COL21A1: variants seen among roughly 807,000 people sequenced by gnomAD.
The protein encoded by COL21A1 is collagen type XXI alpha 1 chain.
COL21A1 carries 149 observed loss-of-function variants against 137.9 expected under a neutral mutation model. The ratio of observed to expected loss-of-function variants is 1.08; its 90% CI spans 0.95 to 1.24. The LOEUF (loss-of-function observed/expected upper bound fraction) is 1.24, where lower values mean the gene tolerates loss of function less well. Among genes scored for constraint, COL21A1 ranks in the 50% most tolerant of loss-of-function variants. The pLI is 0.00. For synonymous variants in COL21A1, 456 were observed against 391.5 expected, an observed-to-expected ratio of 1.16 and a Z score of -1.95; for missense variants, 1,167 against 1,158.4, an observed-to-expected ratio of 1.01 and a Z score of -0.11.
intron 1 of COL21A1, among the ~76,000 whole-genome samples, chr6:56,316,244 G>A (rs1764731298): frequency 1.3e-5 from 2 of 151,798 alleles, no homozygotes; most frequent in Admixed American, 6.6e-5. Context: ...CTACTCTCTT[G>A]GCAATTTTCA....
chr6:56,257,880 T>C (rs1308140125), intron 1 of COL21A1, among the ~76,000 whole-genome samples: 1 of 152,156 alleles, frequency 6.6e-6, no homozygotes, highest in Non-Finnish European at 1.5e-5. Flanking sequence ...CATTAAATTA[T>C]AGTATTATAA....
intron 20 of COL21A1, among the ~76,000 whole-genome samples, chr6:56,073,683 C>T (rs1265376881): frequency 6.6e-6 from 1 of 151,406 alleles, no homozygotes; most frequent in African/African-American, 2.4e-5. Context: ...CAAATAATGA[C>T]ATTCAAAGAG....
intron 1 of COL21A1, among the ~76,000 whole-genome samples, chr6:56,217,151 T>G (rs1031084828): frequency 4.6e-5 from 7 of 152,076 alleles, no homozygotes; most frequent in Non-Finnish European, 1.0e-4. Flanking sequence ...TACTCTCAAG[T>G]GTAATAAAAG....
Position 56,164,282 on chromosome 6 carries a change from A to G in COL21A1, c.1371+141T>C, listed in dbSNP as rs1776401169. On this transcript the variant is annotated intron_variant, in intron 9 of 29. Coordinates refer to ENST00000244728, the MANE Select transcript of COL21A1 (RefSeq NM_030820.4). ...ATACACTTGTTTTTCTAGAAAAAAA[A>G]TGACTAAAACTGAGGTTTTAAACTC... The G allele has an allele frequency of 6.4e-6, 4 of 628,808 alleles. No individual in the cohort carries two copies. The East Asian group carries it at 1.1e-4, about 17-fold the overall frequency. 39.0% of individuals were successfully genotyped at this position (628,808 alleles called of 1,614,324 possible). A position where few individuals can be genotyped will look rare whatever the true frequency, so the allele number is the denominator to read the frequency against.
Position 56,125,576 on chromosome 6 carries a change from A to T in COL21A1, c.1641T>A (p.Tyr547Ter). 1 of 1,601,758 alleles carries T rather than the reference A, an allele frequency of 6.2e-7. No homozygotes were observed. Among genetic ancestry groups the T allele is most frequent in the Non-Finnish European group, 8.5e-7 (1 of 1,171,838 alleles). Residue 547 changes from tyrosine to a stop codon, truncating the protein, a stop_gained, in exon 14 of 30, where the codon TAT (tyrosine) becomes TAA (stop). Transcript: ENST00000244728. LOFTEE classifies it high-confidence loss of function. ...AKGDKGSPGF[Y>*]GKKGAKGEKG... is the part of the protein sequence containing the mutation. ...TGTGATCTATACTTCCCTTTTTGCC[A>T]TAAAATCCAGGTGATCCTTTGTCTC...
chr6:56,079,874 C>T (rs1475924869), intron 17 of COL21A1, among the ~76,000 whole-genome samples: 2 of 151,464 alleles, frequency 1.3e-5, no homozygotes, highest in African/African-American at 4.8e-5. Context: ...TATATAAAAA[C>T]TACAGGATAT....
intron 11 of COL21A1, 34 bp from the exon 12 acceptor site, chr6:56,141,872 A>G: frequency 6.2e-7 from 1 of 1,609,894 alleles, no homozygotes; most frequent in Non-Finnish European, 8.5e-7. Context: ...TTTGTTAATT[A>G]TCGGTTTTAG....
chr6:56,089,518 A>G (rs1465492794), intron 17 of COL21A1, among the ~76,000 whole-genome samples: 1 of 152,214 alleles, frequency 6.6e-6, no homozygotes, highest in Non-Finnish European at 1.5e-5. Context: ...ACGTTCCAAA[A>G]AAATTTTTCA....
At chr6:56,374,249 C>G (rs1053505474) in intron 1 of COL21A1, among the ~76,000 whole-genome samples, 8 of 152,212 alleles carry the variant, frequency 5.3e-5, no homozygotes, top group Non-Finnish European at 1.0e-4. Context: ...GACATTTCCC[C>G]AAGAAAAGAG....
At chr6:56,192,619 A>G (rs1156803271) in intron 1 of COL21A1, among the ~76,000 whole-genome samples, 1 of 152,214 alleles carries the variant, frequency 6.6e-6, no homozygotes, top group Non-Finnish European at 1.5e-5. Context: ...AGAAACACAA[A>G]TCAAAACCAC....
intron 17 of COL21A1, among the ~76,000 whole-genome samples, chr6:56,097,712 GA>G (rs1769480795): frequency 7.1e-6 from 1 of 140,456 alleles, no homozygotes; most frequent in Admixed American, 8.0e-5. Flanking sequence ...GCAGCCATGG[GA>G]AAGGAAAGCA....
At chr6:56,315,743 G>A (rs1056129561) in intron 1 of COL21A1, among the ~76,000 whole-genome samples, 1 of 150,004 alleles carries the variant, frequency 6.7e-6, no homozygotes, top group African/African-American at 2.5e-5. Flanking sequence ...CTTTGCAATT[G>A]CCTGAGTTAG....
At chr6:56,331,021 T>G (rs767555469) in intron 1 of COL21A1, among the ~76,000 whole-genome samples, 1 of 152,136 alleles carries the variant, frequency 6.6e-6, no homozygotes, top group Non-Finnish European at 1.5e-5. Context: ...TCATTGTCAT[T>G]TTAATTTGCA....
intron 17 of COL21A1, among the ~76,000 whole-genome samples, chr6:56,091,094 T>A (rs1485315835): frequency 1.3e-5 from 2 of 152,192 alleles, no homozygotes; most frequent in African/African-American, 4.8e-5. Context: ...TTTACTAGCA[T>A]CACAAAGTAG....
intron 1 of COL21A1, among the ~76,000 whole-genome samples, chr6:56,208,578 C>G (rs549339720): frequency 1.3e-3 from 200 of 152,178 alleles, no homozygotes; most frequent in African/African-American, 4.6e-3. Flanking sequence ...GAATCAATAT[C>G]GTGAAAATGA....
chr6:56,367,589 T>C (rs1273136463), intron 1 of COL21A1, among the ~76,000 whole-genome samples: 1 of 152,222 alleles, frequency 6.6e-6, no homozygotes, highest in Non-Finnish European at 1.5e-5. Flanking sequence ...CAGCAGAAAG[T>C]AGGAACCTAA....
At chr6:56,320,302 C>T (rs1764833949) in intron 1 of COL21A1, among the ~76,000 whole-genome samples, 1 of 151,984 alleles carries the variant, frequency 6.6e-6, no homozygotes, top group Non-Finnish European at 1.5e-5. Context: ...TACCTTGTTC[C>T]ATATAGCCAT....
chr6:56,123,942 C>A, intron 16 of COL21A1, 120 bp downstream of exon 16: 1 of 816,824 alleles, frequency 1.2e-6, no homozygotes. Flanking sequence ...CCTTTTAGCT[C>A]ATGAATTTTA....
intron 1 of COL21A1, among the ~76,000 whole-genome samples, chr6:56,264,910 A>T (rs1308643055): frequency 6.6e-6 from 1 of 152,206 alleles, no homozygotes; most frequent in African/African-American, 2.4e-5. Flanking sequence ...AGGAGTCTTC[A>T]TAGTTCTTGA....
Sources: allele counts gnomAD v4.1 joint callset (sites outside exome capture counted in the v4.1 genomes callset), GRCh38; gene constraint gnomAD v4.1.1; transcripts MANE v1.5; gene names NCBI Gene and HGNC (gene_info 2026-07-23, HGNC 2026-07-21).